ADD3: variants seen among roughly 807,000 people sequenced by gnomAD.
The protein encoded by ADD3 is adducin 3.
Under a neutral mutation model 80.2 loss-of-function variants are expected in ADD3, and 25 were observed. That is an observed-to-expected ratio of 0.31 (90% CI 0.23 to 0.44). The LOEUF is 0.44. Ranked by LOEUF, ADD3 falls within the 20% of genes least tolerant of loss-of-function variation. The pLI is 1.00. For missense variants in ADD3, 829 were observed against 847.5 expected, an observed-to-expected ratio of 0.98 and a Z score of 0.27; for synonymous variants, 284 against 289.6, an observed-to-expected ratio of 0.98 and a Z score of 0.20.
At chr10:110,112,978 T>C (rs1045826924) in intron 3 of ADD3, 63 bp downstream of exon 3, 20 of 1,534,824 alleles carry the variant, frequency 1.3e-5, no homozygotes, top group Non-Finnish European at 1.3e-5. Flanking sequence ...CCACTATACA[T>C]CTCTAGCAGC....
At chr10:110,005,326 C>G (rs1204510753), upstream of ADD3, among the ~76,000 whole-genome samples, 2 of 152,172 alleles carry the variant, frequency 1.3e-5, no homozygotes, top group Non-Finnish European at 1.5e-5. Context: ...TCCCAAAGTG[C>G]TGGGATTACA....
At position 110,134,619 on chromosome 10, in the gene ADD3, G is replaced by A. The variant is rs1853461452; in HGVS notation, c.*1001G>A. On this transcript the variant is annotated 3_prime_UTR_variant, in exon 15 of 15. Transcript: ENST00000356080. ...TAGCCAAATGAAAAAGAATGAAAGGGAAAGTGAAAAATTAAGGGGACAAAA... is the reference window on the plus strand; with the variant it reads ...TAGCCAAATGAAAAAGAATGAAAGGAAAAGTGAAAAATTAAGGGGACAAAA... The A allele has an allele frequency of 6.6e-6, 1 of 152,524 alleles. No individual in the cohort carries two copies. The highest frequency in any genetic ancestry group is 2.4e-5 in the African/African-American group (1 of 41,410). The allele number at this position is 152,524 out of a possible 1,614,324, so 9.4% of individuals were successfully genotyped here.
chr10:110,069,105 A>G (rs765263424), intron 1 of ADD3, among the ~76,000 whole-genome samples: 16 of 152,104 alleles, frequency 1.1e-4, no homozygotes, highest in Admixed American at 3.9e-4. Context: ...GTATCTCAGT[A>G]TAACATGGTT....
intron 1 of ADD3, among the ~76,000 whole-genome samples, chr10:110,097,657 T>G (rs763630674): frequency 3.3e-5 from 5 of 152,188 alleles, no homozygotes; most frequent in Non-Finnish European, 7.3e-5. Flanking sequence ...CTCACTGATG[T>G]CCTTTTCCTG....
chr10:110,101,896 G>A (rs1848855144), intron 2 of ADD3, among the ~76,000 whole-genome samples: 1 of 152,126 alleles, frequency 6.6e-6, no homozygotes, highest in South Asian at 2.1e-4. Flanking sequence ...GTTATATTAG[G>A]TTTCCAACTT....
chr10:110,100,442 C>T (rs1187524419), intron 1 of ADD3, among the ~76,000 whole-genome samples, 183 bp from the exon 2 acceptor site: 2 of 151,212 alleles, frequency 1.3e-5, no homozygotes, highest in East Asian at 1.9e-4. Flanking sequence ...AATTACAAAT[C>T]GAGCATTATA....
chr10:110,097,329 G>T (rs1848287414), intron 1 of ADD3, among the ~76,000 whole-genome samples: 1 of 152,082 alleles, frequency 6.6e-6, no homozygotes, highest in Admixed American at 6.6e-5. Flanking sequence ...AAAGAACATG[G>T]TATACTATAA....
At chr10:110,066,849 G>A (rs914222819) in intron 1 of ADD3, among the ~76,000 whole-genome samples, 1 of 152,128 alleles carries the variant, frequency 6.6e-6, no homozygotes, top group African/African-American at 2.4e-5. Context: ...TTCCATGAGC[G>A]TTTCTTACTA....
intron 1 of ADD3, among the ~76,000 whole-genome samples, chr10:110,022,113 C>T (rs949405135): frequency 6.6e-6 from 1 of 151,996 alleles, no homozygotes; most frequent in Non-Finnish European, 1.5e-5. Context: ...GTTTGTGATA[C>T]TTGATAACTC....
chr10:110,038,402 A>G (rs904996187), intron 1 of ADD3, among the ~76,000 whole-genome samples: 2 of 152,228 alleles, frequency 1.3e-5, no homozygotes, highest in African/African-American at 4.8e-5. Flanking sequence ...AGTAGGTTTT[A>G]AGAACTAGAG....
intron 1 of ADD3, among the ~76,000 whole-genome samples, chr10:110,043,962 A>G (rs1174010848): frequency 6.6e-6 from 1 of 152,136 alleles, no homozygotes; most frequent in African/African-American, 2.4e-5. Flanking sequence ...TAATCCCAGC[A>G]CTTTGGGAGG....
rs373971493 is a variant in ADD3, at chr10:110,100,618, A to T, written c.-29-7A>T. 1.7e-5 allele frequency: 25 copies of T among 1,494,236 alleles called. No homozygotes were observed. In the African/African-American group the frequency reaches 3.1e-4, roughly 19 times the overall value. 92.6% of individuals were successfully genotyped at this position (1,494,236 alleles called of 1,614,324 possible). On this transcript the variant is annotated splice_polypyrimidine_tract_variant and splice_region_variant and intron_variant, in intron 1 of 14. Coordinates refer to ENST00000356080, the MANE Select transcript of ADD3 (RefSeq NM_016824.5). ...ATGGATGTCCTTCTTTGTGTTTATT[A>T]ATGCAGATAACAAGAGTAATCCACA...
chr10:110,078,793 A>G (rs1845677823), intron 1 of ADD3, among the ~76,000 whole-genome samples: 1 of 152,252 alleles, frequency 6.6e-6, no homozygotes, highest in Non-Finnish European at 1.5e-5. Context: ...ATTGGTTACA[A>G]TGTACTGTCC....
chr10:110,036,589 G>A (rs1214193881), intron 1 of ADD3, among the ~76,000 whole-genome samples: 1 of 151,480 alleles, frequency 6.6e-6, no homozygotes, highest in East Asian at 1.9e-4. Context: ...CGTAAGGATG[G>A]TCTCTATCTA....
Position 110,063,735 on chromosome 10 carries a change from C to CT in ADD3, c.-29-36890_-29-36889insT, listed in dbSNP as rs1564913560. 1.6e-3 allele frequency among the ~76,000 whole-genome samples: 83 copies of CT among 52,044 alleles called. 1 individual carries two copies. Among genetic ancestry groups the CT allele is most frequent in the African/African-American group, 5.2e-3 (76 of 14,714 alleles). The allele number at this position is 52,044 out of a possible 152,430, so 34.1% of individuals were successfully genotyped here. On this transcript the variant is annotated intron_variant, in intron 1 of 14. Transcript: ENST00000356080. The stretch of plus-strand genomic sequence containing the variant: ...CTTGATGAATATGAATATATATATT[C>CT]ATTATATATATATATATATATATAT...
intron 1 of ADD3, among the ~76,000 whole-genome samples, chr10:110,085,542 G>T (rs1846620259): frequency 6.6e-6 from 1 of 152,152 alleles, no homozygotes. Context: ...TTTTGGCAAA[G>T]GGTGGTAATT....
intron 1 of ADD3, among the ~76,000 whole-genome samples, chr10:110,065,538 C>CGTTTTTTTTTTTTTTTTTTTT (rs1843804683): frequency 8.5e-5 from 1 of 11,746 alleles, no homozygotes; most frequent in Non-Finnish European, 3.4e-4. Context: ...CTCTCTCTCC[C>CGTTTTTTTTTTTTTTTTTTTT]CTTTTTTTTT....
intron 1 of ADD3, among the ~76,000 whole-genome samples, chr10:110,068,255 A>T (rs1317054512): frequency 6.6e-6 from 1 of 152,054 alleles, no homozygotes; most frequent in African/African-American, 2.4e-5. Context: ...GCTTCTCAGA[A>T]GTTCAGAAGC....
chr10:110,029,121 C>T (rs761461389), intron 1 of ADD3, among the ~76,000 whole-genome samples: 3 of 152,206 alleles, frequency 2.0e-5, no homozygotes, highest in African/African-American at 4.8e-5. Flanking sequence ...TCAGGTGATC[C>T]GCCTGCCTCG....
Sources: allele counts gnomAD v4.1 joint callset (sites outside exome capture counted in the v4.1 genomes callset), GRCh38; gene constraint gnomAD v4.1.1; transcripts MANE v1.5; gene names NCBI Gene and HGNC (gene_info 2026-07-23, HGNC 2026-07-21).